The following CTTNBP2 variants were observed in gnomAD, a reference collection of about 807,000 sequenced individuals.
CTTNBP2 encodes cortactin binding protein 2, also known as cortactin-binding protein 2.
In CTTNBP2, 108 loss-of-function variants were observed where a neutral mutation model predicts 156.9. The ratio of observed to expected loss-of-function variants is 0.69; its 90% CI spans 0.59 to 0.81. CTTNBP2 has a LOEUF of 0.81. Ranked by LOEUF, CTTNBP2 falls within the 30% of genes least tolerant of loss-of-function variation. The probability of loss-of-function intolerance (pLI) is 0.00; values close to 1 mark genes in which losing one functional copy is unlikely to be tolerated. For missense variants in CTTNBP2, 1,924 were observed against 2,035.4 expected (o/e 0.95, Z 1.05); for synonymous variants, 767 against 751.8 (o/e 1.02, Z -0.33).
intron 3 of CTTNBP2, among the ~76,000 whole-genome samples, chr7:117,809,331 CAA>C (rs1800129651): frequency 6.6e-6 from 1 of 152,072 alleles, no homozygotes; most frequent in South Asian, 2.1e-4. Context: ...TCAATGACAA[CAA>C]AGTGTTTTCT....
At chr7:117,858,840 T>C (rs899391483) in intron 2 of CTTNBP2, among the ~76,000 whole-genome samples, 4 of 152,164 alleles carry the variant, frequency 2.6e-5, no homozygotes, top group Non-Finnish European at 5.9e-5. Context: ...ATGTGCGTAC[T>C]TTTGCTTGCA....
At chr7:117,864,026 T>C (rs936986727) in intron 1 of CTTNBP2, among the ~76,000 whole-genome samples, 8 of 152,184 alleles carry the variant, frequency 5.3e-5, no homozygotes, top group Non-Finnish European at 1.0e-4. Flanking sequence ...CAAAGCTTTA[T>C]AAGCAAAGTG....
intron 2 of CTTNBP2, among the ~76,000 whole-genome samples, chr7:117,820,301 GCA>G (rs984562374): frequency 6.6e-6 from 1 of 152,312 alleles, no homozygotes; most frequent in African/African-American, 2.4e-5. Context: ...AATAACTGGA[GCA>G]CAGATTAACC....
In CTTNBP2 at chr7:117,773,344, G is replaced by T. The variant is rs560075495; in HGVS notation, c.2778+4167C>A. Among the ~76,000 whole-genome samples, 10 of 152,274 alleles carry T rather than the reference G, an allele frequency of 6.6e-5. No individual in the cohort carries two copies. In the South Asian group the frequency reaches 1.9e-3, roughly 28 times the overall value. On this transcript the variant is annotated intron_variant, in intron 8 of 22. Transcript: ENST00000160373. ...TGGCTGCTACAGTGTGAGTAGAAAC[G>T]TCTGACTCTCATATGACTAAAAGCT...
intron 2 of CTTNBP2, among the ~76,000 whole-genome samples, chr7:117,858,568 C>T (rs1240663269): frequency 1.3e-5 from 2 of 152,150 alleles, no homozygotes; most frequent in Admixed American, 6.5e-5. Context: ...TGGTTCTCCA[C>T]AGGAGCAGTA....
chr7:117,839,494 T>G (rs1436621263), intron 2 of CTTNBP2, among the ~76,000 whole-genome samples: 3 of 152,194 alleles, frequency 2.0e-5, no homozygotes, highest in African/African-American at 4.8e-5. Flanking sequence ...AATAGAAAAC[T>G]TCAACACACT....
At chr7:117,808,723 T>C (rs1800090055) in intron 3 of CTTNBP2, among the ~76,000 whole-genome samples, 1 of 152,210 alleles carries the variant, frequency 6.6e-6, no homozygotes, top group South Asian at 2.1e-4. Flanking sequence ...TTTTTCCTTA[T>C]GGCTTTTAGA....
chr7:117,765,903 C>A (rs1420046959), intron 9 of CTTNBP2, among the ~76,000 whole-genome samples: 2 of 152,130 alleles, frequency 1.3e-5, no homozygotes, highest in Non-Finnish European at 2.9e-5. Context: ...CATTAAACTG[C>A]CCAAAACATC....
chr7:117,740,383 G>A (rs1349757626), intron 14 of CTTNBP2, among the ~76,000 whole-genome samples: 5 of 151,916 alleles, frequency 3.3e-5, no homozygotes, highest in African/African-American at 7.3e-5. Context: ...TTTCTTCTAC[G>A]GCGTCATAGA....
chr7:117,719,823 A>G (rs545326991), intron 20 of CTTNBP2, among the ~76,000 whole-genome samples, 187 bp from the exon 21 acceptor site: 1 of 152,316 alleles, frequency 6.6e-6, no homozygotes, highest in South Asian at 2.1e-4. Context: ...CCTACTCAAA[A>G]TTCTTGAGAG....
intron 4 of CTTNBP2, among the ~76,000 whole-genome samples, chr7:117,789,327 AT>A (rs1040615602): frequency 3.0e-4 from 45 of 152,064 alleles, no homozygotes; most frequent in African/African-American, 9.9e-4. Flanking sequence ...ATGGCTTTGT[AT>A]TTTTTTTAAG....
intron 2 of CTTNBP2, among the ~76,000 whole-genome samples, chr7:117,846,880 A>T (rs6466627): frequency 0.72 from 108,233 of 151,228 alleles, 40,042 homozygotes; most frequent in African/African-American, 0.89. Flanking sequence ...TAACTAAAAA[A>T]ATATATATAT....
intron 8 of CTTNBP2, among the ~76,000 whole-genome samples, chr7:117,771,234 C>T (rs550382503): frequency 1.3e-5 from 2 of 152,260 alleles, no homozygotes; most frequent in South Asian, 4.1e-4. Flanking sequence ...TCAGTAGAAA[C>T]CCCAAGTCCA....
At chr7:117,809,595 A>G (rs916364920) in intron 3 of CTTNBP2, among the ~76,000 whole-genome samples, 5 of 152,176 alleles carry the variant, frequency 3.3e-5, no homozygotes, top group African/African-American at 1.2e-4. Flanking sequence ...CCTTACATCT[A>G]TGGAAAGCCT....
At chr7:117,832,190 G>A (rs932581440) in intron 2 of CTTNBP2, among the ~76,000 whole-genome samples, 2 of 151,830 alleles carry the variant, frequency 1.3e-5, no homozygotes, top group African/African-American at 4.8e-5. Context: ...CCTGCCCACA[G>A]CTAGTCAGTC....
intron 19 of CTTNBP2, among the ~76,000 whole-genome samples, chr7:117,722,106 T>C (rs936382128): frequency 1.3e-5 from 2 of 152,244 alleles, no homozygotes; most frequent in Non-Finnish European, 2.9e-5. Context: ...TACTAATTAC[T>C]ACATAGCGCA....
At chr7:117,786,056 C>T (rs1798687252) in intron 4 of CTTNBP2, among the ~76,000 whole-genome samples, 2 of 152,126 alleles carry the variant, frequency 1.3e-5, no homozygotes, top group Admixed American at 6.5e-5. Context: ...ATGATTAAAT[C>T]CTAAATTACT....
intron 3 of CTTNBP2, among the ~76,000 whole-genome samples, chr7:117,801,117 A>C (rs925123318): frequency 2.6e-5 from 4 of 152,186 alleles, no homozygotes; most frequent in Non-Finnish European, 5.9e-5. Context: ...CAGGGGAGAA[A>C]GAAAAGCTTT....
chr7:117,870,382 A>T (rs1804501285), intron 1 of CTTNBP2, among the ~76,000 whole-genome samples: 1 of 152,226 alleles, frequency 6.6e-6, no homozygotes, highest in South Asian at 2.1e-4. Context: ...TTGGCTACGA[A>T]AGTTCTTTTC....
Sources: allele counts gnomAD v4.1 joint callset (sites outside exome capture counted in the v4.1 genomes callset), GRCh38; gene constraint gnomAD v4.1.1; transcripts MANE v1.5; gene names NCBI Gene and HGNC (gene_info 2026-07-23, HGNC 2026-07-21).